RIPOR2: variants seen among roughly 807,000 people sequenced by gnomAD.
RIPOR2 encodes the protein RHO family interacting cell polarization regulator 2.
RIPOR2 carries 39 observed loss-of-function variants against 114.5 expected under a neutral mutation model. The observed-to-expected ratio is 0.34, with a 90% CI of 0.26 to 0.44. The LOEUF (loss-of-function observed/expected upper bound fraction) is 0.44, where lower values mean the gene tolerates loss of function less well. Among genes scored for constraint, RIPOR2 ranks in the 20% least tolerant of loss-of-function variants. The probability of loss-of-function intolerance (pLI) is 1.00; values close to 1 mark genes in which losing one functional copy is unlikely to be tolerated. For synonymous variants in RIPOR2, 445 were observed against 484.4 expected, an observed-to-expected ratio of 0.92 and a Z score of 1.07; for missense variants, 1,007 against 1,255.1, an observed-to-expected ratio of 0.80 and a Z score of 2.99.
At chr6:24,828,382 A>G in intron 17 of RIPOR2, 87 bp from the exon 18 acceptor site, 15 of 1,198,902 alleles carry the variant, frequency 1.3e-5, no homozygotes, top group South Asian at 1.2e-4. Flanking sequence ...TTTTATTTTT[A>G]TTTTAGAGAC....
chr6:24,875,247 GT>G (rs140435703), intron 2 of RIPOR2, among the ~76,000 whole-genome samples: 5,114 of 152,304 alleles, frequency 0.034, 268 homozygotes, highest in African/African-American at 0.11. Context: ...CCTAAGTCCT[GT>G]TTCAGATGAG....
At chr6:24,809,408 T>C (rs569214846) in intron 21 of RIPOR2, among the ~76,000 whole-genome samples, 4 of 152,364 alleles carry the variant, frequency 2.6e-5, no homozygotes, top group Non-Finnish European at 4.4e-5. Context: ...TGGATTCCTA[T>C]TGCCTTTGCT....
intron 1 of RIPOR2, among the ~76,000 whole-genome samples, chr6:25,018,515 T>C (rs1305590535): frequency 6.6e-6 from 1 of 152,186 alleles, no homozygotes; most frequent in East Asian, 1.9e-4. Context: ...AACCAATTGT[T>C]TGATTATACC....
At chr6:24,882,216 G>A (rs919665227) in intron 1 of RIPOR2, among the ~76,000 whole-genome samples, 1 of 152,168 alleles carries the variant, frequency 6.6e-6, no homozygotes, top group African/African-American at 2.4e-5. Context: ...CTGGCATTCT[G>A]GCTCATGTTT....
intron 1 of RIPOR2, among the ~76,000 whole-genome samples, chr6:24,911,759 C>A (rs1411685539): frequency 6.6e-6 from 1 of 152,100 alleles, no homozygotes; most frequent in Non-Finnish European, 1.5e-5. Context: ...TCGACAAGGA[C>A]CCAGGGAAAA....
At chr6:24,996,867 T>C (rs1023756092) in intron 1 of RIPOR2, among the ~76,000 whole-genome samples, 4 of 152,232 alleles carry the variant, frequency 2.6e-5, no homozygotes, top group African/African-American at 9.6e-5. Flanking sequence ...CTTAAACTTT[T>C]CAATTTTGTA....
upstream of RIPOR2, among the ~76,000 whole-genome samples, chr6:24,938,416 A>T (rs1771937286): frequency 6.6e-6 from 1 of 152,218 alleles, no homozygotes; most frequent in African/African-American, 2.4e-5. Context: ...GTGATGCAGT[A>T]AGTTTCTGTT....
chr6:24,850,530 A>G, intron 10 of RIPOR2, 67 bp downstream of exon 10: 1 of 1,585,388 alleles, frequency 6.3e-7, no homozygotes, highest in East Asian at 2.2e-5. Flanking sequence ...GTCACGGGTA[A>G]GGGCCCCACC....
chr6:24,958,469 A>C (rs1773146060), intron 1 of RIPOR2, among the ~76,000 whole-genome samples: 1 of 152,222 alleles, frequency 6.6e-6, no homozygotes, highest in East Asian at 1.9e-4. Flanking sequence ...CACATTTTTT[A>C]CTTAGTTACT....
At chr6:24,946,105 C>G (rs1772391860) in intron 1 of RIPOR2, among the ~76,000 whole-genome samples, 1 of 150,408 alleles carries the variant, frequency 6.6e-6, no homozygotes, top group Non-Finnish European at 1.5e-5. Context: ...TTTTTTGAGA[C>G]AGAGTCTTAC....
rs562812987 is a variant in RIPOR2, at chr6:24,847,475, A to T, written c.1164+550T>A. 2.2e-5 allele frequency: 33 copies of T among 1,478,644 alleles called. No homozygotes were observed. The East Asian group carries it at 4.5e-4, about 20-fold the overall frequency. The allele number at this position is 1,478,644 out of a possible 1,614,324, so 91.6% of individuals were successfully genotyped here. A position where few individuals can be genotyped will look rare whatever the true frequency, so the allele number is the denominator to read the frequency against. On this transcript the variant is annotated intron_variant, in intron 12 of 21. Transcript: ENST00000643898. Reference sequence around the variant, plus strand: ...AGACAGAGAAGATAAAACAAGAGACATGCTAAGTCACACATGCCACAAGCC... The same window carrying T: ...AGACAGAGAAGATAAAACAAGAGACTTGCTAAGTCACACATGCCACAAGCC...
chr6:24,823,398 A>G (rs1759869934), intron 19 of RIPOR2, among the ~76,000 whole-genome samples: 1 of 152,238 alleles, frequency 6.6e-6, no homozygotes, highest in South Asian at 2.1e-4. Flanking sequence ...AAGTGGGATC[A>G]TAGCATCGAC....
At chr6:25,033,345 C>T (rs1777089942) in intron 1 of RIPOR2, among the ~76,000 whole-genome samples, 1 of 152,108 alleles carries the variant, frequency 6.6e-6, no homozygotes, top group Admixed American at 6.5e-5. Flanking sequence ...CAGTAGAAGC[C>T]CCTCCAAGGC....
At chr6:24,837,631 AACT>A (rs1761232985) in intron 14 of RIPOR2, among the ~76,000 whole-genome samples, 1 of 151,868 alleles carries the variant, frequency 6.6e-6, no homozygotes, top group African/African-American at 2.4e-5. Context: ...GCTGGTCTTG[AACT>A]ACTGAGTTCA....
intron 5 of RIPOR2, among the ~76,000 whole-genome samples, chr6:24,869,814 C>G (rs1234967290): frequency 1.3e-5 from 2 of 151,694 alleles, no homozygotes; most frequent in Non-Finnish European, 2.9e-5. Context: ...GGTTTTTTTT[C>G]CCATTCACAT....
chr6:24,839,292 C>G lies in RIPOR2; in HGVS notation c.1858-20G>C, dbSNP rs542185653. ...CTTGCACTGTAAAGGCAGAAGGCAC[C>G]AGGGAGAACATCAACATATCCGGAA... On this transcript the variant is annotated intron_variant, in intron 13 of 21. Coordinates refer to ENST00000643898, the MANE Select transcript of RIPOR2 (RefSeq NM_001286445.3). 1.9e-6 allele frequency: 3 copies of G among 1,543,212 alleles called. No homozygotes were observed. Among genetic ancestry groups the G allele is most frequent in the East Asian group, 4.9e-5 (2 of 40,790 alleles).
intron 1 of RIPOR2, among the ~76,000 whole-genome samples, chr6:25,004,986 TACACACACACACACACACACAC>T (rs58120451): frequency 3.4e-5 from 5 of 146,430 alleles, no homozygotes; most frequent in Non-Finnish European, 6.0e-5. Flanking sequence ...TCAAATAGGC[TACACACACACACACACACACAC>T]ACACACACAC....
chr6:25,025,217 T>G (rs1420850793), intron 1 of RIPOR2, among the ~76,000 whole-genome samples: 1 of 151,926 alleles, frequency 6.6e-6, no homozygotes, highest in Non-Finnish European at 1.5e-5. Flanking sequence ...GTGGTGGGAG[T>G]TCTAAAAATT....
intron 18 of RIPOR2, among the ~76,000 whole-genome samples, chr6:24,827,005 A>G (rs559128616): frequency 6.6e-6 from 1 of 152,290 alleles, no homozygotes; most frequent in Admixed American, 6.5e-5. Flanking sequence ...TGTTGTTAGT[A>G]AATGAGTAGG....
Sources: gnomAD v4.1 joint callset for allele counts (sites outside exome capture counted in the v4.1 genomes callset) on GRCh38, gnomAD v4.1.1 for gene constraint, MANE v1.5 for transcripts, NCBI Gene and HGNC (gene_info 2026-07-23, HGNC 2026-07-21) for gene names.